Variants in PCNX2 observed in about 807,000 individuals in gnomAD.
PCNX2 encodes pecanex 2, also known as pecanex-like protein 2.
Under a neutral mutation model 223.8 loss-of-function variants are expected in PCNX2, and 168 were observed. The ratio of observed to expected loss-of-function variants is 0.75; its 90% CI spans 0.66 to 0.85. The LOEUF is 0.85. Among genes scored for constraint, PCNX2 ranks in the 40% least tolerant of loss-of-function variants. The pLI, the probability that PCNX2 is intolerant of heterozygous loss-of-function variation, is 0.00. For missense variants in PCNX2, 2,507 were observed against 2,675.5 expected (o/e 0.94, Z 1.39); for synonymous variants, 1,006 against 1,052.6 (o/e 0.96, Z 0.86).
intron 21 of PCNX2, among the ~76,000 whole-genome samples, chr1:233,096,947 G>A (rs1468936491): frequency 6.6e-6 from 1 of 152,138 alleles, no homozygotes; most frequent in Non-Finnish European, 1.5e-5. Context: ...GAAATGTAAT[G>A]AGGCAAAAGG....
rs1048842696 is a variant in PCNX2, at chr1:233,139,180, G to A, written c.3659+534C>T. On this transcript the variant is annotated intron_variant, in intron 20 of 33. Transcript: ENST00000258229. The surrounding 1 kb of genome is among the most constrained non-coding windows in gnomAD (Gnocchi z 4.4). ...TTTTAATATATGAAACCAATAACTC[G>A]ACTGTACATTGTTAATGCTTTGAAA... Among the ~76,000 whole-genome samples the A allele has an allele frequency of 2.0e-5, 3 of 151,398 alleles. No homozygotes were observed. The highest frequency in any genetic ancestry group is 6.6e-5 in the Admixed American group (1 of 15,256).
At chr1:233,321,690 G>C in the PCNX2 span, among the ~76,000 whole-genome samples, 1 of 152,190 alleles carries the variant, frequency 6.6e-6, no homozygotes, top group Non-Finnish European at 1.5e-5. Flanking sequence ...TTAATCACCT[G>C]TACTGAGGAT....
At chr1:233,022,430 G>A (rs1186544439) in intron 26 of PCNX2, among the ~76,000 whole-genome samples, 4 of 152,192 alleles carry the variant, frequency 2.6e-5, no homozygotes, top group Non-Finnish European at 5.9e-5. Context: ...TGCTGGGCAT[G>A]GCCCCGGGCT....
intron 32 of PCNX2, among the ~76,000 whole-genome samples, chr1:232,997,997 C>G (rs1669935529): frequency 6.6e-6 from 1 of 152,116 alleles, no homozygotes; most frequent in South Asian, 2.1e-4. Context: ...ATGCAGCGAC[C>G]CCTGGACAGG....
chr1:232,984,184 CAGG>C lies in PCNX2; in HGVS notation c.*117_*119del, dbSNP rs1669371502. 1 of 675,512 alleles carries C rather than the reference CAGG, an allele frequency of 1.5e-6. No homozygotes were observed. The highest frequency in any genetic ancestry group is 2.1e-5 in the African/African-American group (1 of 48,014). The allele number at this position is 675,512 out of a possible 1,614,324, so 41.8% of individuals were successfully genotyped here. ...GTTCTGGAACAGCTCTCCTTTTCCA[CAGG>C]AGGAGTCCCTCATGGATCGCGGTAT... On this transcript the variant is annotated 3_prime_UTR_variant, in exon 34 of 34. Transcript: ENST00000258229.
intron 23 of PCNX2, 60 bp from the exon 24 acceptor site, chr1:233,057,350 G>A: frequency 1.5e-6 from 2 of 1,357,106 alleles, no homozygotes; most frequent in Non-Finnish European, 1.0e-6. Flanking sequence ...CAGAAGAGTT[G>A]GTTTATAGAA....
intron 23 of PCNX2, among the ~76,000 whole-genome samples, chr1:233,069,432 G>C (rs1011699497): frequency 2.6e-5 from 4 of 152,126 alleles, no homozygotes; most frequent in African/African-American, 9.7e-5. Flanking sequence ...GCCACAGAGA[G>C]TGTACCAAGA....
intron 1 of PCNX2, among the ~76,000 whole-genome samples, chr1:233,272,057 A>T (rs967955213): frequency 1.2e-4 from 18 of 152,180 alleles, no homozygotes; most frequent in African/African-American, 4.3e-4. Context: ...AACATTGGAA[A>T]AACCCTTCTA....
chr1:233,120,771 A>C (rs1675735110), intron 21 of PCNX2, among the ~76,000 whole-genome samples: 1 of 152,232 alleles, frequency 6.6e-6, no homozygotes, highest in African/African-American at 2.4e-5. Flanking sequence ...TAACTTTATC[A>C]ACAATCAATT....
intron 1 of PCNX2, among the ~76,000 whole-genome samples, chr1:233,283,001 A>G (rs1371454831): frequency 8.8e-5 from 13 of 146,900 alleles, no homozygotes. Flanking sequence ...CTGGCAGTAC[A>G]TTACTGGTGA....
chr1:233,064,551 C>T (rs138294480), intron 23 of PCNX2, among the ~76,000 whole-genome samples: 3 of 152,270 alleles, frequency 2.0e-5, no homozygotes, highest in African/African-American at 7.2e-5. Flanking sequence ...AACGCTTCAT[C>T]ACCTAGCCTG....
chr1:233,181,993 A>G (rs553771447), intron 15 of PCNX2, among the ~76,000 whole-genome samples: 1 of 152,230 alleles, frequency 6.6e-6, no homozygotes, highest in African/African-American at 2.4e-5. Flanking sequence ...TGAGCTCCAC[A>G]TTTCACTCCT....
At chr1:233,235,957 A>AAAATATATATATATATATATATATATAT (rs369886650) in intron 9 of PCNX2, among the ~76,000 whole-genome samples, 15 of 93,092 alleles carry the variant, frequency 1.6e-4, no homozygotes, top group Non-Finnish European at 3.0e-4. Context: ...CATAAAAAAA[A>AAAATATATATATATATATATATATATAT]ATATATATAT....
intron 3 of PCNX2, 33 bp downstream of exon 3, chr1:233,262,012 G>A: frequency 6.2e-7 from 1 of 1,612,370 alleles, no homozygotes; most frequent in Non-Finnish European, 8.5e-7. Context: ...GAAATCACAT[G>A]AAGAGGGTGA....
intron 23 of PCNX2, among the ~76,000 whole-genome samples, chr1:233,087,534 T>C (rs893958290): frequency 2.0e-5 from 3 of 152,126 alleles, no homozygotes; most frequent in Non-Finnish European, 2.9e-5. Context: ...CTAAAACTCA[T>C]TAATGAGGAT....
Position 233,083,100 on chromosome 1 carries a change from C to T in PCNX2, c.4076+6961G>A, listed in dbSNP as rs539340103. Among the ~76,000 whole-genome samples the T allele has an allele frequency of 8.5e-5, 13 of 152,254 alleles. No homozygotes were observed. The South Asian group carries it at 2.7e-3, about 31-fold the overall frequency. On this transcript the variant is annotated intron_variant, in intron 23 of 33. Transcript: ENST00000258229. Reference sequence around the variant, plus strand: ...ATGAGACATTTTAGATTTTAAGAGGCATGAATGATAGCAGGACACCTGATT... The same window carrying T: ...ATGAGACATTTTAGATTTTAAGAGGTATGAATGATAGCAGGACACCTGATT...
At position 232,986,325 on chromosome 1, in the gene PCNX2, T is replaced by C; in HGVS notation, c.6007A>G (p.Thr2003Ala). 1 of 1,589,518 alleles carries C rather than the reference T, an allele frequency of 6.3e-7. No individual in the cohort carries two copies. Among genetic ancestry groups the C allele is most frequent in the Non-Finnish European group, 8.6e-7 (1 of 1,168,926 alleles). The change falls in exon 33 of 34, where the codon ACC becomes GCC. Residue 2003 changes from threonine (T) to alanine (A), a missense_variant. Thr to Ala is a moderately conservative substitution (Grantham distance 58, BLOSUM62 0). This residue lies in a region of PCNX2 where 1,372 missense variants were observed against 1,509.4 expected (regional missense o/e 0.91). Transcript: ENST00000258229. ...TCACGGACACTCAGGTGGCCGGTGG[T>C]GGTGACGGGCGGGGGCTGAGAGTGC... The part of the protein sequence containing the change: ...SLHSQPPPVT[T>A]TGHLSVRERA...
intron 25 of PCNX2, chr1:233,032,161 G>A (rs778745184): frequency 2.4e-5 from 18 of 739,166 alleles, no homozygotes; most frequent in Non-Finnish European, 3.0e-5. Flanking sequence ...GGAGTGCAAT[G>A]GCGCGATCTT....
intron 1 of PCNX2, among the ~76,000 whole-genome samples, chr1:233,265,497 CT>C (rs1415296689): frequency 6.6e-6 from 1 of 152,186 alleles, no homozygotes; most frequent in African/African-American, 2.4e-5. Context: ...CTCTTTTCCT[CT>C]TTACTTGGTG....
Sources: allele counts gnomAD v4.1 joint callset (sites outside exome capture counted in the v4.1 genomes callset), GRCh38; gene constraint gnomAD v4.1.1; regional missense constraint gnomAD v4.1.1; non-coding constraint Gnocchi (gnomAD v3.1); transcripts MANE v1.5; gene names NCBI Gene and HGNC (gene_info 2026-07-23, HGNC 2026-07-21).